PRH1: variants seen among roughly 807,000 people sequenced by gnomAD.
The protein encoded by PRH1 is salivary acidic proline-rich phosphoprotein 1/2.
Under a neutral mutation model 7.9 loss-of-function variants are expected in PRH1, and 7 were observed. The observed-to-expected ratio is 0.89, with a 90% confidence interval of 0.50 to 1.67. PRH1 has a LOEUF of 1.67. PRH1 is among the 40% of genes most tolerant of loss of function. The pLI, the probability that PRH1 is intolerant of heterozygous loss-of-function variation, is 0.00. For synonymous variants in PRH1, 45 were observed against 80.8 expected (o/e 0.56, Z 2.38); for missense variants, 109 against 223.6 (o/e 0.49, Z 3.27).
Position 10,997,469 on chromosome 12 carries a change from G to A in PRH1, c.-125-23748C>T, listed in dbSNP as rs899771607. On this transcript the variant is annotated intron_variant, in intron 1 of 3. Transcript: ENST00000539853. ...AAGGTGACAAACCAAAAAGAACAAAGACCCCAACACTATCACCAGAACTAC... is the reference window on the plus strand; with the variant it reads ...AAGGTGACAAACCAAAAAGAACAAAAACCCCAACACTATCACCAGAACTAC... The A allele has an allele frequency of 3.1e-6, 5 of 1,613,582 alleles. No homozygotes were observed. The African/African-American group carries it at 6.7e-5, about 22-fold the overall frequency.
intron 1 of PRH1, among the ~76,000 whole-genome samples, chr12:11,158,020 C>G (rs1378224134): frequency 6.6e-6 from 1 of 152,172 alleles, no homozygotes; most frequent in Non-Finnish European, 1.5e-5. Context: ...TTTTCACCTA[C>G]TACTTCATGA....
chr12:11,076,079 A>AATAT lies in PRH1; in HGVS notation n.124-28895_124-28892dup, dbSNP rs139636107. 7.3e-5 allele frequency among the ~76,000 whole-genome samples: 8 copies of AATAT among 108,854 alleles called. 2 individuals are homozygous for AATAT. Among genetic ancestry groups the AATAT allele is most frequent in the East Asian group, 2.2e-4 (1 of 4,616 alleles). 71.4% of individuals were successfully genotyped at this position (108,854 alleles called of 152,430 possible). On this transcript the variant is annotated intron_variant and non_coding_transcript_variant, in intron 1 of 4. Transcript: ENST00000541977. ...ATCTGATACATATATATGTGGATGT[A>AATAT]ATATATATATATATATCAGATGAGG...
chr12:11,106,161 C>T lies in PRH1; in HGVS notation n.124-58973G>A, dbSNP rs1465376847. Among the ~76,000 whole-genome samples the T allele has an allele frequency of 1.0e-4, 5 of 49,034 alleles. 1 individual carries two copies. The highest frequency in any genetic ancestry group is 3.8e-4 in the South Asian group (1 of 2,614). The allele number at this position is 49,034 out of a possible 152,430, so 32.2% of individuals were successfully genotyped here. On this transcript the variant is annotated intron_variant and non_coding_transcript_variant, in intron 1 of 4. Transcript: ENST00000541977. ...TTCACCGTGTTAGCCAGGATGGTCT[C>T]GATCTCCTGACCTCGTGATCCGCCC...
At chr12:10,984,131 C>G (rs1300577610) in intron 1 of PRH1, among the ~76,000 whole-genome samples, 1 of 149,960 alleles carries the variant, frequency 6.7e-6, no homozygotes, top group Admixed American at 6.8e-5. Flanking sequence ...CACTAACCAG[C>G]TGGAAATATC....
intron 1 of PRH1, among the ~76,000 whole-genome samples, chr12:11,054,881 C>G (rs1485356533): frequency 8.3e-6 from 1 of 120,162 alleles, no homozygotes; most frequent in East Asian, 2.7e-4. Context: ...CGGCTCACTG[C>G]AAGCTCTGCC....
At chr12:10,922,437 C>T (rs975357550) in intron 2 of PRH1, among the ~76,000 whole-genome samples, 4 of 152,056 alleles carry the variant, frequency 2.6e-5, no homozygotes, top group African/African-American at 7.2e-5. Flanking sequence ...GAGAATAGTT[C>T]AATTTTCAAA....
rs1944797398 is a variant in PRH1, at chr12:11,089,054, C to T, written n.124-41866G>A. Among the ~76,000 whole-genome samples the T allele has an allele frequency of 1.7e-5, 2 of 116,070 alleles. 1 individual carries two copies. The highest frequency in any genetic ancestry group is 4.7e-4 in the South Asian group (2 of 4,256). 76.1% of individuals were successfully genotyped at this position (116,070 alleles called of 152,430 possible). A position where few individuals can be genotyped will look rare whatever the true frequency, so the allele number is the denominator to read the frequency against. On this transcript the variant is annotated intron_variant and non_coding_transcript_variant, in intron 1 of 4. Transcript: ENST00000541977. ...GGACGTCATATGCTCATAAAGCCAGCCATGACTGGAGGGTATGAGCACGCC... is the reference window on the plus strand; with the variant it reads ...GGACGTCATATGCTCATAAAGCCAGTCATGACTGGAGGGTATGAGCACGCC...
intron 2 of PRH1, among the ~76,000 whole-genome samples, chr12:10,971,137 C>T (rs925629246): frequency 6.6e-6 from 1 of 152,208 alleles, no homozygotes; most frequent in African/African-American, 2.4e-5. Context: ...ATAGAATTTT[C>T]CAGCCATCCA....
chr12:11,039,867 G>A (rs1292666761), intron 1 of PRH1, among the ~76,000 whole-genome samples: 3 of 78,362 alleles, frequency 3.8e-5, no homozygotes, highest in Non-Finnish European at 9.7e-5. Flanking sequence ...ATGGATAGAA[G>A]GAATTTCTGT....
intron 2 of PRH1, among the ~76,000 whole-genome samples, chr12:10,941,315 G>A (rs1027246904): frequency 8.5e-5 from 13 of 152,172 alleles, no homozygotes; most frequent in African/African-American, 2.2e-4. Context: ...CAGCTCTTAG[G>A]GAAAGGCAAT....
At chr12:11,022,183 A>G (rs1286337975) in intron 1 of PRH1, 1 of 1,614,148 alleles carries the variant, frequency 6.2e-7, no homozygotes, top group South Asian at 1.1e-5. Context: ...CAGTATCACC[A>G]GAACAACACT....
At chr12:11,160,569 C>T (rs1442897208) in intron 1 of PRH1, among the ~76,000 whole-genome samples, 1 of 152,180 alleles carries the variant, frequency 6.6e-6, no homozygotes, top group African/African-American at 2.4e-5. Flanking sequence ...CTCCCAGGTT[C>T]AAGCGATCCT....
At chr12:10,918,718 A>C (rs537884180) in intron 2 of PRH1, among the ~76,000 whole-genome samples, 1 of 152,364 alleles carries the variant, frequency 6.6e-6, no homozygotes, top group South Asian at 2.1e-4. Context: ...AATGTGGCCA[A>C]TTTGAAATGC....
At chr12:10,993,058 T>C (rs1940020589) in intron 1 of PRH1, among the ~76,000 whole-genome samples, 1 of 152,232 alleles carries the variant, frequency 6.6e-6, no homozygotes, top group African/African-American at 2.4e-5. Flanking sequence ...TCTGTTAACC[T>C]ATCTGGCTTC....
At chr12:11,142,586 G>T (rs1473205224) in intron 1 of PRH1, among the ~76,000 whole-genome samples, 1 of 152,082 alleles carries the variant, frequency 6.6e-6, no homozygotes, top group African/African-American at 2.4e-5. Context: ...ATTGCAATTC[G>T]AAAGGAATTA....
chr12:11,022,080 C>G (rs1346283387), intron 1 of PRH1: 1 of 1,613,800 alleles, frequency 6.2e-7, no homozygotes, highest in African/African-American at 1.3e-5. Flanking sequence ...ATTTGATCTT[C>G]CAAGTCACAT....
rs547405943 is a variant in PRH1, at chr12:10,936,366, GCA to G, written c.-59+37287_-59+37288del. On this transcript the variant is annotated intron_variant, in intron 2 of 3. Transcript: ENST00000539853. ...GCTTTCTAAGAATGCATACTTATGT[GCA>G]GTTTTCCTCCTGAGTTGTTTCTAAT... is the stretch of plus-strand genomic sequence containing the variant. Among the ~76,000 whole-genome samples, 36 of 152,222 alleles carry G rather than the reference GCA, an allele frequency of 2.4e-4. 1 individual carries two copies. The East Asian group carries it at 7.0e-3, about 29-fold the overall frequency.
chr12:10,929,200 G>T, intron 2 of PRH1: 1 of 1,606,682 alleles, frequency 6.2e-7, no homozygotes, highest in Non-Finnish European at 8.5e-7. Context: ...CCATTGTCCT[G>T]CTTGTCTTTA....
chr12:10,931,304 T>C, intron 2 of PRH1: 1 of 961,468 alleles, frequency 1.0e-6, no homozygotes, highest in Non-Finnish European at 1.5e-6. Flanking sequence ...AAATTACCTC[T>C]CTTAAATAGG....
Sources: allele counts gnomAD v4.1 joint callset (sites outside exome capture counted in the v4.1 genomes callset), GRCh38; gene constraint gnomAD v4.1.1; transcripts MANE v1.5; gene names NCBI Gene and HGNC (gene_info 2026-07-23, HGNC 2026-07-21).